TRA2B: variants seen among roughly 807,000 people sequenced by gnomAD.
TRA2B encodes transformer 2 beta homolog.
A neutral mutation model predicts 41.7 loss-of-function variants in TRA2B; 14 were observed. The observed-to-expected ratio is 0.34, with a 90% CI of 0.22 to 0.53. TRA2B has a LOEUF of 0.53. Ranked by LOEUF, TRA2B falls within the 20% of genes least tolerant of loss-of-function variation. The probability of loss-of-function intolerance (pLI) is 0.95; values close to 1 mark genes in which losing one functional copy is unlikely to be tolerated. For synonymous variants in TRA2B, 130 were observed against 128.8 expected (o/e 1.01, Z -0.06); for missense variants, 167 against 396.8 (o/e 0.42, Z 4.92).
At chr3:185,935,601 G>A (rs1744319274) in intron 1 of TRA2B, 3 of 985,406 alleles carry the variant, frequency 3.0e-6, no homozygotes, top group Non-Finnish European at 2.4e-6. Context: ...GAAGAGATTA[G>A]TGATTTACAT....
intron 1 of TRA2B, chr3:185,931,583 T>C (rs1744156206): frequency 1.6e-6 from 2 of 1,258,818 alleles, no homozygotes; most frequent in African/African-American, 3.1e-5. Context: ...TTACTTAGCG[T>C]AGTGCTTTCT....
At chr3:185,926,444 G>A (rs1425079900) in intron 2 of TRA2B, among the ~76,000 whole-genome samples, 157 bp downstream of exon 2, 1 of 152,104 alleles carries the variant, frequency 6.6e-6, no homozygotes, top group Non-Finnish European at 1.5e-5. Context: ...GCTCTTAACC[G>A]CTTTTAGTCT....
chr3:185,933,681 C>T (rs2300922), intron 1 of TRA2B, among the ~76,000 whole-genome samples: 46,362 of 151,830 alleles, frequency 0.31, 8,157 homozygotes, highest in Non-Finnish European at 0.42. Flanking sequence ...AACTGTCTAC[C>T]AGAAGAGTAA....
At position 185,937,618 on chromosome 3, in the gene TRA2B, G is replaced by A. The variant is rs551362768; in HGVS notation, c.36+207C>T. Among the ~76,000 whole-genome samples, 18 of 152,302 alleles carry A rather than the reference G, an allele frequency of 1.2e-4. No individual in the cohort carries two copies. In the South Asian group the frequency reaches 3.1e-3, roughly 26 times the overall value. ...CGGGCAGAAGCCACATAAACCCGCCGGGGGCCTCCCTCCTTCACGACCAAA... is the reference window on the plus strand; with the variant it reads ...CGGGCAGAAGCCACATAAACCCGCCAGGGGCCTCCCTCCTTCACGACCAAA... On this transcript the variant is annotated intron_variant, in intron 1 of 8. Coordinates refer to ENST00000453386, the MANE Select transcript of TRA2B (RefSeq NM_004593.3).
In TRA2B at chr3:185,925,673, T is replaced by C. The variant is rs372444234; in HGVS notation, c.171-47A>G. ...AGGTTATGACTGAAAACAAATATTG[T>C]CTTCTTTATTACTCTGTTCTAAAGT... On this transcript the variant is annotated intron_variant, in intron 2 of 8. Coordinates refer to ENST00000453386, the MANE Select transcript of TRA2B (RefSeq NM_004593.3). 6 of 1,564,330 alleles carry C rather than the reference T, an allele frequency of 3.8e-6. No individual in the cohort carries two copies. In the African/African-American group the frequency reaches 6.8e-5, roughly 18 times the overall value.
rs768270281 is a variant in TRA2B, at chr3:185,923,998, A to G, written c.334-14T>C. On this transcript the variant is annotated splice_polypyrimidine_tract_variant and intron_variant, in intron 3 of 8. Coordinates refer to ENST00000453386, the MANE Select transcript of TRA2B (RefSeq NM_004593.3). ...ATCAGGATTTGCCTAGGGAAAAAAA[A>G]AAGTTTTAAACTTTGGAAAAGTTGT... is the stretch of plus-strand genomic sequence containing the variant. The G allele has an allele frequency of 6.3e-6, 10 of 1,584,922 alleles. No homozygotes were observed. In the African/African-American group the frequency reaches 1.2e-4, roughly 20 times the overall value.
chr3:185,934,249 A>G (rs1744261736), intron 1 of TRA2B, among the ~76,000 whole-genome samples: 1 of 152,204 alleles, frequency 6.6e-6, no homozygotes, highest in Admixed American at 6.5e-5. Context: ...AAATATACAC[A>G]GCTGTAGCTC....
intron 1 of TRA2B, among the ~76,000 whole-genome samples, chr3:185,933,941 T>A (rs1744248394): frequency 6.6e-6 from 1 of 152,138 alleles, no homozygotes; most frequent in Non-Finnish European, 1.5e-5. Context: ...TTATCCAAAC[T>A]GTCAGGTAAC....
chr3:185,937,551 A>G, intron 1 of TRA2B: 1 of 966,138 alleles, frequency 1.0e-6, no homozygotes, highest in Non-Finnish European at 1.4e-6. Flanking sequence ...CGCAGCGGCC[A>G]TTTTCATCTT....
At chr3:185,933,940 C>T (rs979790833) in intron 1 of TRA2B, among the ~76,000 whole-genome samples, 8 of 152,122 alleles carry the variant, frequency 5.3e-5, no homozygotes, top group African/African-American at 1.9e-4. Context: ...CTTATCCAAA[C>T]TGTCAGGTAA....
At chr3:185,925,164 A>G (rs916488756) in intron 3 of TRA2B, 7 of 183,166 alleles carry the variant, frequency 3.8e-5, no homozygotes, top group African/African-American at 1.4e-4. Flanking sequence ...GCATAGAACT[A>G]TATTTTGAAC....
intron 1 of TRA2B, chr3:185,935,830 C>A (rs986858700): frequency 1.5e-5 from 15 of 985,140 alleles, no homozygotes; most frequent in Non-Finnish European, 1.8e-5. Context: ...CCAAACACAA[C>A]AATATGGAAG....
intron 1 of TRA2B, chr3:185,935,366 C>A: frequency 2.0e-6 from 2 of 985,434 alleles, no homozygotes; most frequent in South Asian, 4.7e-5. Flanking sequence ...ATAAATCCCA[C>A]AGACCAACGA....
chr3:185,926,647 C>G lies in TRA2B; in HGVS notation c.124G>C (p.Asp42His). The G allele has an allele frequency of 6.2e-7, 1 of 1,614,172 alleles. No homozygotes were observed. The highest frequency in any genetic ancestry group is 8.5e-7 in the Non-Finnish European group (1 of 1,180,004). ...GACTTTGATCTGGAACGCCTGGAAT[C>G]TTCCTTGGAGCGAGACCTTGCAGGG... ...HTPARSRSKE[D>H]SRRSRSKSRS... The change falls in exon 2 of 9, where the codon GAT (aspartate) becomes CAT (histidine). Residue 42 changes from aspartate (D) to histidine (H), a missense_variant. Transcript: ENST00000453386.
At position 185,917,626 on chromosome 3, in the gene TRA2B, C is replaced by G; in HGVS notation, c.*89G>C. 6.9e-7 allele frequency: 1 copy of G among 1,442,278 alleles called. No homozygotes were observed. Among genetic ancestry groups the G allele is most frequent in the Middle Eastern group, 1.9e-4 (1 of 5,338 alleles). 89.3% of individuals were successfully genotyped at this position (1,442,278 alleles called of 1,614,324 possible). A position where few individuals can be genotyped will look rare whatever the true frequency, so the allele number is the denominator to read the frequency against. The stretch of plus-strand genomic sequence containing the variant: ...AAAAGTCACCTAACTTCACTAGGCA[C>G]TGTTCACTTTTTAAACAAGAGACAA... On this transcript the variant is annotated 3_prime_UTR_variant, in exon 9 of 9. Coordinates refer to ENST00000453386, the MANE Select transcript of TRA2B (RefSeq NM_004593.3).
At chr3:185,935,711 C>T in intron 1 of TRA2B, 1 of 985,430 alleles carries the variant, frequency 1.0e-6, no homozygotes, top group Non-Finnish European at 1.2e-6. Flanking sequence ...CAAGCTGTTC[C>T]ATTGAGCTTT....
intron 1 of TRA2B, chr3:185,936,653 AG>A: frequency 1.0e-6 from 1 of 984,470 alleles, no homozygotes; most frequent in Non-Finnish European, 1.2e-6. Context: ...TTTACCAACA[AG>A]GGGAAACTTA....
chr3:185,924,193 A>G (rs1268041374), intron 3 of TRA2B: 3 of 417,116 alleles, frequency 7.2e-6, no homozygotes, highest in African/African-American at 6.2e-5. Flanking sequence ...AAAAATTTCA[A>G]CCTTAGAATT....
intron 1 of TRA2B, chr3:185,936,719 A>C (rs1744373903): frequency 2.0e-6 from 2 of 984,678 alleles, no homozygotes; most frequent in Admixed American, 6.2e-5. Context: ...CACAGCCTCA[A>C]AAATCAATTT....
Sources: gnomAD v4.1 joint callset for allele counts (sites outside exome capture counted in the v4.1 genomes callset) on GRCh38, gnomAD v4.1.1 for gene constraint, MANE v1.5 for transcripts, NCBI Gene and HGNC (gene_info 2026-07-23, HGNC 2026-07-21) for gene names.